Variants in AIG1 observed in about 807,000 individuals in gnomAD.
The protein encoded by AIG1 is androgen induced 1.
A neutral mutation model predicts 31.4 loss-of-function variants in AIG1; 23 were observed. The ratio of observed to expected loss-of-function variants is 0.73; its 90% confidence interval spans 0.53 to 1.04. The LOEUF (loss-of-function observed/expected upper bound fraction) is 1.04. AIG1 is among the 50% of genes least tolerant of loss of function. The probability of loss-of-function intolerance (pLI) is 0.00; values close to 1 mark genes in which losing one functional copy is unlikely to be tolerated. For missense variants in AIG1, 274 were observed against 295.0 expected (o/e 0.93, Z 0.52); for synonymous variants, 100 against 110.5 (o/e 0.90, Z 0.60).
intron 3 of AIG1, among the ~76,000 whole-genome samples, chr6:143,218,487 G>C (rs1028012042): frequency 1.3e-5 from 2 of 152,154 alleles, no homozygotes; most frequent in Non-Finnish European, 2.9e-5. Context: ...GAAATTCGTT[G>C]CTATTTAAGC....
chr6:143,331,848 TA>T lies in AIG1; in HGVS notation c.516-1433del, dbSNP rs1777104800. Among the ~76,000 whole-genome samples the T allele has an allele frequency of 1.0e-4, 8 of 77,790 alleles. No individual in the cohort carries two copies. In the East Asian group the frequency reaches 2.0e-3, roughly 19 times the overall value. 51.0% of individuals were successfully genotyped at this position (77,790 alleles called of 152,430 possible). ...ATGAGGTACATGTGTAGGTAATGTT[TA>T]TTATTATTATTATTATTATTATTAT... On this transcript the variant is annotated intron_variant, in intron 4 of 5. Transcript: ENST00000357847. The surrounding 1 kb of genome is among the most constrained non-coding windows in gnomAD (Gnocchi z 4.1).
In AIG1 at chr6:143,061,085, C is replaced by G. The variant is rs1212223493; in HGVS notation, c.141+19C>G. ...TGATCTGGTAAGGCCGTCCCCTCCCCCTGCTCGCCCCGCACCCCGTGCCTG... is the reference window on the plus strand; with the variant it reads ...TGATCTGGTAAGGCCGTCCCCTCCCGCTGCTCGCCCCGCACCCCGTGCCTG... On this transcript the variant is annotated intron_variant, in intron 1 of 5. Coordinates refer to ENST00000357847, the MANE Select transcript of AIG1 (RefSeq NM_016108.4). 6.2e-7 allele frequency: 1 copy of G among 1,611,060 alleles called. No homozygotes were observed. Among genetic ancestry groups the G allele is most frequent in the African/African-American group, 1.3e-5 (1 of 74,874 alleles).
At chr6:143,272,458 G>A (rs940521262) in intron 3 of AIG1, among the ~76,000 whole-genome samples, 1 of 152,186 alleles carries the variant, frequency 6.6e-6, no homozygotes, top group African/African-American at 2.4e-5. Flanking sequence ...AGAGAAGAGA[G>A]AGAGTGAACA....
downstream of AIG1, chr6:143,342,534 ACT>A: frequency 3.7e-6 from 3 of 817,496 alleles, no homozygotes; most frequent in Non-Finnish European, 6.6e-6. Context: ...TCCTATAAGG[ACT>A]CTCATAAAAC....
chr6:143,278,283 C>T (rs1339055811), intron 3 of AIG1, among the ~76,000 whole-genome samples: 1 of 152,112 alleles, frequency 6.6e-6, no homozygotes, highest in Non-Finnish European at 1.5e-5. Context: ...TTCCAGTATA[C>T]CCCAGTATGT....
At chr6:143,200,107 T>G (rs529966290) in intron 3 of AIG1, among the ~76,000 whole-genome samples, 35 of 152,228 alleles carry the variant, frequency 2.3e-4, no homozygotes, top group African/African-American at 8.2e-4. Context: ...TTGATACTTT[T>G]TATAAGGATG....
chr6:143,283,089 C>T (rs1007927849), intron 3 of AIG1, among the ~76,000 whole-genome samples: 5 of 152,152 alleles, frequency 3.3e-5, no homozygotes, highest in African/African-American at 7.2e-5. Flanking sequence ...TATATCCTGG[C>T]CCAGTTTTAT....
chr6:143,077,366 C>A (rs2128465892), intron 1 of AIG1, among the ~76,000 whole-genome samples: 1 of 152,320 alleles, frequency 6.6e-6, no homozygotes, highest in South Asian at 2.1e-4. Flanking sequence ...TTTATTTCAG[C>A]ATTTCATTAA....
intron 3 of AIG1, among the ~76,000 whole-genome samples, chr6:143,212,509 T>C (rs1791668625): frequency 6.6e-6 from 1 of 152,198 alleles, no homozygotes; most frequent in Non-Finnish European, 1.5e-5. Flanking sequence ...GAACAGGGTC[T>C]AAGGCAATGA....
chr6:143,163,112 C>T (rs781048058), intron 2 of AIG1, among the ~76,000 whole-genome samples: 70 of 152,090 alleles, frequency 4.6e-4, no homozygotes, highest in Non-Finnish European at 9.3e-4. Context: ...TGAGTGCTGC[C>T]GACCCACTTT....
intron 2 of AIG1, among the ~76,000 whole-genome samples, chr6:143,152,351 A>G (rs530006032): frequency 2.0e-5 from 3 of 152,358 alleles, no homozygotes; most frequent in African/African-American, 7.2e-5. Context: ...ATGTAATTTT[A>G]TCGAATAACT....
At chr6:143,197,825 G>A (rs183321498) in intron 3 of AIG1, among the ~76,000 whole-genome samples, 1 of 152,282 alleles carries the variant, frequency 6.6e-6, no homozygotes, top group Admixed American at 6.5e-5. Flanking sequence ...ACATCAGCTG[G>A]TATTGCCCTA....
intron 3 of AIG1, among the ~76,000 whole-genome samples, chr6:143,237,361 A>G (rs911660518): frequency 6.6e-6 from 1 of 152,146 alleles, no homozygotes; most frequent in Non-Finnish European, 1.5e-5. Context: ...GTCTTGTCTC[A>G]TGAAGCTTAT....
In AIG1 at chr6:143,146,223, C is replaced by G. The variant is rs545726134; in HGVS notation, c.297+9233C>G. Among the ~76,000 whole-genome samples the G allele has an allele frequency of 3.9e-5, 6 of 152,134 alleles. No homozygotes were observed. In the East Asian group the frequency reaches 9.7e-4, roughly 24 times the overall value. On this transcript the variant is annotated intron_variant, in intron 2 of 5. Coordinates refer to ENST00000357847, the MANE Select transcript of AIG1 (RefSeq NM_016108.4). ...GGAAAAAAAAATCACAGAAATATCT[C>G]ACAAAATGAAGATATTTTCTTCCCA...
intron 1 of AIG1, 128 bp from the exon 2 acceptor site, chr6:143,136,707 A>G (rs1783787142): frequency 4.6e-6 from 4 of 876,232 alleles, no homozygotes; most frequent in Non-Finnish European, 4.8e-6. Flanking sequence ...TTCTAGGAGC[A>G]GCTCTTTAAA....
intron 4 of AIG1, among the ~76,000 whole-genome samples, chr6:143,289,026 TG>T (rs2128685699): frequency 6.6e-6 from 1 of 152,268 alleles, no homozygotes; most frequent in East Asian, 1.9e-4. Flanking sequence ...CCAAGGTTCT[TG>T]TTATGTAGAT....
At chr6:143,263,628 A>G (rs1398963630) in intron 3 of AIG1, among the ~76,000 whole-genome samples, 2 of 152,238 alleles carry the variant, frequency 1.3e-5, no homozygotes, top group Admixed American at 6.5e-5. Context: ...CGGTGTTAAC[A>G]TTATGATGTG....
intron 2 of AIG1, among the ~76,000 whole-genome samples, chr6:143,161,718 GA>G (rs1188029794): frequency 6.6e-6 from 1 of 151,862 alleles, no homozygotes; most frequent in Non-Finnish European, 1.5e-5. Context: ...AAAACCATCT[GA>G]AAAAATGGAA....
intron 1 of AIG1, among the ~76,000 whole-genome samples, chr6:143,098,359 T>C (rs2128481388): frequency 1.3e-5 from 2 of 152,318 alleles, no homozygotes; most frequent in East Asian, 3.9e-4. Context: ...TTCTTAAAAC[T>C]TGGATTCTGG....
Sources: gnomAD v4.1 joint callset for allele counts (sites outside exome capture counted in the v4.1 genomes callset) on GRCh38, gnomAD v4.1.1 for gene constraint, Gnocchi (gnomAD v3.1) non-coding constraint, MANE v1.5 for transcripts, NCBI Gene and HGNC (gene_info 2026-07-23, HGNC 2026-07-21) for gene names.